Variants in RAD51B observed in about 807,000 individuals in gnomAD.
RAD51B encodes DNA repair protein RAD51 homolog 2.
RAD51B carries 38 observed loss-of-function variants against 42.2 expected under a neutral mutation model. That is an observed-to-expected ratio of 0.90 (90% CI 0.70 to 1.18). The LOEUF (loss-of-function observed/expected upper bound fraction) is 1.18, where lower values mean the gene tolerates loss of function less well. RAD51B is among the 50% of genes most tolerant of loss of function. RAD51B has a pLI of 0.00. For missense variants in RAD51B, 373 were observed against 400.7 expected, an observed-to-expected ratio of 0.93 and a Z score of 0.59; for synonymous variants, 154 against 145.2, an observed-to-expected ratio of 1.06 and a Z score of -0.43.
intron 10 of RAD51B, among the ~76,000 whole-genome samples, chr14:68,491,644 A>G (rs1247998332): frequency 6.6e-6 from 1 of 152,204 alleles, no homozygotes; most frequent in African/African-American, 2.4e-5. Flanking sequence ...TTCAGTCCCC[A>G]GCCTACCACC....
intron 7 of RAD51B, among the ~76,000 whole-genome samples, chr14:68,251,709 C>CT (rs1465498484): frequency 6.6e-6 from 1 of 152,160 alleles, no homozygotes; most frequent in Admixed American, 6.5e-5. Context: ...CTCTACTGAA[C>CT]TTTTTCCAAC....
chr14:67,851,255 G>A (rs2041796201), intron 4 of RAD51B, among the ~76,000 whole-genome samples: 1 of 152,100 alleles, frequency 6.6e-6, no homozygotes, highest in Non-Finnish European at 1.5e-5. Context: ...TCCTCTATGA[G>A]TCTTGATGGG....
intron 8 of RAD51B, among the ~76,000 whole-genome samples, chr14:68,373,711 A>G (rs770576918): frequency 1.8e-4 from 27 of 152,290 alleles, no homozygotes; most frequent in Non-Finnish European, 3.4e-4. Context: ...GGTGCAGCAA[A>G]CCACCATGGC....
chr14:68,033,655 T>C (rs2076079745), intron 7 of RAD51B, among the ~76,000 whole-genome samples: 1 of 152,144 alleles, frequency 6.6e-6, no homozygotes, highest in Admixed American at 6.5e-5. Context: ...ATAGAAAGCA[T>C]GAGGAGGGCA....
intron 7 of RAD51B, among the ~76,000 whole-genome samples, chr14:67,932,390 G>A (rs1167370015): frequency 6.6e-6 from 1 of 152,202 alleles, no homozygotes; most frequent in Non-Finnish European, 1.5e-5. Flanking sequence ...TTATAGTGAA[G>A]TTTGGTGGGA....
chr14:68,189,076 AT>A (rs1208784046), intron 7 of RAD51B, among the ~76,000 whole-genome samples: 6 of 151,666 alleles, frequency 4.0e-5, no homozygotes, highest in East Asian at 1.9e-4. Flanking sequence ...CTTTCTTTTA[AT>A]TTTTTATTGT....
chr14:68,176,715 G>C (rs2767383), intron 7 of RAD51B, among the ~76,000 whole-genome samples: 1 of 152,064 alleles, frequency 6.6e-6, no homozygotes, highest in African/African-American at 2.4e-5. Flanking sequence ...ACACAAAAAA[G>C]GGTAAACTTT....
chr14:68,260,608 G>T (rs1376436303), intron 7 of RAD51B, among the ~76,000 whole-genome samples: 1 of 152,122 alleles, frequency 6.6e-6, no homozygotes, highest in Admixed American at 6.5e-5. Context: ...AGCAAAGCCT[G>T]TTTGTTTAGT....
rs192479595 is a variant in RAD51B at position 68,338,992 on chromosome 14, C to T, written c.853+47012C>T. The T allele has an allele frequency of 1.2e-3, 789 of 657,278 alleles. 1 individual carries two copies. Among genetic ancestry groups the T allele is most frequent in the Non-Finnish European group, 1.9e-3 (670 of 355,028 alleles). The allele number at this position is 657,278 out of a possible 1,614,324, so 40.7% of individuals were successfully genotyped here. ...TTCCCCTTGATAATGCAGTAAGGGA[C>T]CCCCTTTTTACAACATGGGGCAGGC... On this transcript the variant is annotated intron_variant, in intron 8 of 10. Coordinates refer to ENST00000471583, the MANE Select transcript of RAD51B (RefSeq NM_133510.4).
At chr14:68,503,839 G>A (rs963462910) in intron 10 of RAD51B, among the ~76,000 whole-genome samples, 3 of 152,224 alleles carry the variant, frequency 2.0e-5, no homozygotes, top group Admixed American at 2.0e-4. Context: ...ATTCTCTGAG[G>A]CGCTAAATAA....
chr14:67,965,322 G>T (rs548092963), intron 7 of RAD51B, among the ~76,000 whole-genome samples: 1 of 152,136 alleles, frequency 6.6e-6, no homozygotes, highest in South Asian at 2.1e-4. Flanking sequence ...ATTGCTTTTT[G>T]ACTTTGTTTG....
intron 7 of RAD51B, among the ~76,000 whole-genome samples, chr14:68,111,260 A>G (rs2077455174): frequency 1.3e-5 from 2 of 152,078 alleles, no homozygotes; most frequent in African/African-American, 2.4e-5. Flanking sequence ...AATTCTTCAC[A>G]GTATGCTTGT....
chr14:68,144,741 A>G (rs1383759628), intron 7 of RAD51B, among the ~76,000 whole-genome samples: 1 of 152,244 alleles, frequency 6.6e-6, no homozygotes, highest in East Asian at 1.9e-4. Flanking sequence ...GGGTTTGTCT[A>G]TGTTTTCTCA....
intron 7 of RAD51B, among the ~76,000 whole-genome samples, chr14:68,170,237 A>T (rs540328273): frequency 6.6e-6 from 1 of 152,316 alleles, no homozygotes; most frequent in Admixed American, 6.5e-5. Flanking sequence ...TTCTCTCTAG[A>T]GTTTAGCAGC....
intron 7 of RAD51B, among the ~76,000 whole-genome samples, chr14:67,907,851 T>C (rs186072265): frequency 2.0e-5 from 3 of 152,238 alleles, no homozygotes; most frequent in African/African-American, 7.2e-5. Context: ...GGAAGGTTTA[T>C]TGTTGGGGGG....
At chr14:67,932,144 G>A (rs2044761700) in intron 7 of RAD51B, among the ~76,000 whole-genome samples, 2 of 152,096 alleles carry the variant, frequency 1.3e-5, no homozygotes, top group South Asian at 2.1e-4. Flanking sequence ...CCTACCTCAT[G>A]TATTTTCCAG....
rs75527880 is a variant in RAD51B, at chr14:68,653,490, C to T, written c.*11+2634C>T. ...GACTAGTCCAGGGTTTCTCAACCTC[C>T]GTACAACTCACATCTGGGGCCACAT... On this transcript the variant is annotated intron_variant, in intron 11 of 11. Transcript: ENST00000488612. Among the ~76,000 whole-genome samples the T allele has an allele frequency of 4.0e-3, 606 of 152,334 alleles. 38 individuals are homozygous for T. In the East Asian group the frequency reaches 0.096, roughly 24 times the overall value.
At chr14:68,033,607 C>T (rs773344830) in intron 7 of RAD51B, among the ~76,000 whole-genome samples, 6 of 152,126 alleles carry the variant, frequency 3.9e-5, no homozygotes, top group Non-Finnish European at 7.4e-5. Context: ...TGAAAGATAA[C>T]GAAACTCACT....
At chr14:67,976,257 C>A (rs2074991901) in intron 7 of RAD51B, among the ~76,000 whole-genome samples, 1 of 151,902 alleles carries the variant, frequency 6.6e-6, no homozygotes, top group Non-Finnish European at 1.5e-5. Flanking sequence ...GCTGGGACCA[C>A]AGATGCATGC....
Sources: allele counts gnomAD v4.1 joint callset (sites outside exome capture counted in the v4.1 genomes callset), GRCh38; gene constraint gnomAD v4.1.1; transcripts MANE v1.5; gene names NCBI Gene and HGNC (gene_info 2026-07-23, HGNC 2026-07-21).